Variants in PRR16 observed in about 807,000 individuals in gnomAD.
The protein encoded by PRR16 is protein Largen.
PRR16 carries 6 observed loss-of-function variants against 18.2 expected under a neutral mutation model. The observed-to-expected ratio is 0.33, with a 90% CI of 0.18 to 0.65. The LOEUF (loss-of-function observed/expected upper bound fraction) is 0.65, where lower values mean the gene tolerates loss of function less well. Among genes scored for constraint, PRR16 ranks in the 30% least tolerant of loss-of-function variants. The probability of loss-of-function intolerance (pLI) is 0.74; values close to 1 mark genes in which losing one functional copy is unlikely to be tolerated. For synonymous variants in PRR16, 151 were observed against 147.8 expected (o/e 1.02, Z -0.16); for missense variants, 412 against 376.6 (o/e 1.09, Z -0.78).
At chr5:120,779,996 A>G in the PRR16 span, among the ~76,000 whole-genome samples, 5 of 152,204 alleles carry the variant, frequency 3.3e-5, no homozygotes, top group African/African-American at 1.2e-4. Context: ...AAATAAATGA[A>G]CATTGCATAT....
At chr5:120,491,823 C>T (rs901993421) in intron 1 of PRR16, among the ~76,000 whole-genome samples, 47 of 152,232 alleles carry the variant, frequency 3.1e-4, no homozygotes, top group African/African-American at 9.9e-4. Context: ...AGATTACAGG[C>T]GTGATCCACT....
chr5:120,751,120 T>C, the PRR16 span, among the ~76,000 whole-genome samples: 1 of 152,178 alleles, frequency 6.6e-6, no homozygotes, highest in Admixed American at 6.6e-5. Flanking sequence ...TGAGAGTTCA[T>C]TAATGTCATT....
chr5:120,701,425 T>C, the PRR16 span, among the ~76,000 whole-genome samples: 1 of 152,206 alleles, frequency 6.6e-6, no homozygotes, highest in Non-Finnish European at 1.5e-5. Flanking sequence ...TCCTAAACGC[T>C]ATCCGATTTG....
chr5:120,481,192 G>C, intron 1 of PRR16: 2 of 879,668 alleles, frequency 2.3e-6, no homozygotes, highest in South Asian at 1.4e-5. Flanking sequence ...CTGTTGCCCA[G>C]GCTAGAGTGC....
chr5:120,749,259 T>C, the PRR16 span, among the ~76,000 whole-genome samples: 1 of 152,066 alleles, frequency 6.6e-6, no homozygotes, highest in Non-Finnish European at 1.5e-5. Flanking sequence ...CTCTATAACA[T>C]AAAAAATGTG....
intron 1 of PRR16, among the ~76,000 whole-genome samples, chr5:120,474,584 G>C (rs1241617581): frequency 1.5e-5 from 2 of 136,026 alleles, no homozygotes; most frequent in African/African-American, 5.7e-5. Context: ...TCTTGTATTT[G>C]CTATCTTTTT....
chr5:120,485,409 C>T (rs180810186), intron 1 of PRR16, among the ~76,000 whole-genome samples: 192 of 152,112 alleles, frequency 1.3e-3, no homozygotes, highest in African/African-American at 4.4e-3. Context: ...TATACTTTTC[C>T]GCACGTTTCT....
the PRR16 span, among the ~76,000 whole-genome samples, chr5:120,746,047 G>T: frequency 6.6e-6 from 1 of 151,880 alleles, no homozygotes; most frequent in Admixed American, 6.6e-5. Context: ...GTTTGGAAGC[G>T]GTGAAATTTT....
chr5:120,649,117 C>T (rs1213740416), intron 1 of PRR16, among the ~76,000 whole-genome samples: 2 of 152,068 alleles, frequency 1.3e-5, no homozygotes, highest in Non-Finnish European at 2.9e-5. Context: ...TGCACGCTGG[C>T]TCGAGCACAC....
At chr5:120,670,975 C>T (rs1019972377) in intron 1 of PRR16, among the ~76,000 whole-genome samples, 1 of 152,098 alleles carries the variant, frequency 6.6e-6, no homozygotes, top group Non-Finnish European at 1.5e-5. Context: ...TAGGTAAAAC[C>T]CCACTCATTA....
At chr5:120,479,241 T>G (rs1749535379) in intron 1 of PRR16, among the ~76,000 whole-genome samples, 1 of 152,152 alleles carries the variant, frequency 6.6e-6, no homozygotes, top group Non-Finnish European at 1.5e-5. Context: ...TCTCTTTCAT[T>G]GCTTGTGGGG....
At chr5:120,603,899 G>T (rs1165362820) in intron 1 of PRR16, among the ~76,000 whole-genome samples, 1 of 151,644 alleles carries the variant, frequency 6.6e-6, no homozygotes, top group East Asian at 1.9e-4. Flanking sequence ...TGTTTTTATT[G>T]TGCCGTAGTC....
the PRR16 span, among the ~76,000 whole-genome samples, chr5:120,737,947 A>G: frequency 6.6e-6 from 1 of 152,116 alleles, no homozygotes; most frequent in Non-Finnish European, 1.5e-5. Flanking sequence ...GAATGCTAAC[A>G]CAATATTGAT....
the PRR16 span, among the ~76,000 whole-genome samples, chr5:120,695,830 G>C: frequency 6.6e-6 from 1 of 152,128 alleles, no homozygotes; most frequent in Non-Finnish European, 1.5e-5. Flanking sequence ...GGCCCAGCCT[G>C]AAATAACTTC....
chr5:120,553,524 A>G (rs1283507666), intron 1 of PRR16, among the ~76,000 whole-genome samples: 1 of 151,892 alleles, frequency 6.6e-6, no homozygotes, highest in African/African-American at 2.4e-5. Context: ...TTCACAAGGT[A>G]TTTGTAAGAT....
At chr5:120,495,292 A>G (rs1401355048) in intron 1 of PRR16, among the ~76,000 whole-genome samples, 1 of 151,946 alleles carries the variant, frequency 6.6e-6, no homozygotes, top group Non-Finnish European at 1.5e-5. Context: ...GTTTTGTTAG[A>G]TTTCTACCTA....
chr5:120,533,253 A>C (rs555598955), intron 1 of PRR16, among the ~76,000 whole-genome samples: 3 of 152,354 alleles, frequency 2.0e-5, no homozygotes, highest in South Asian at 4.1e-4. Flanking sequence ...AATCTTCCAC[A>C]AGAAATATTT....
At chr5:120,777,589 T>A in the PRR16 span, among the ~76,000 whole-genome samples, 1 of 148,614 alleles carries the variant, frequency 6.7e-6, no homozygotes, top group Non-Finnish European at 1.5e-5. Flanking sequence ...ATTATCCAAA[T>A]CTACACTTGT....
the PRR16 span, chr5:120,710,862 T>C: frequency 3.3e-5 from 5 of 152,302 alleles, no homozygotes; most frequent in East Asian, 5.8e-4. Flanking sequence ...ATAATTCTTA[T>C]ACGCAGAAGT....
Sources: gnomAD v4.1 joint callset for allele counts (sites outside exome capture counted in the v4.1 genomes callset) on GRCh38, gnomAD v4.1.1 for gene constraint, MANE v1.5 for transcripts, NCBI Gene and HGNC (gene_info 2026-07-23, HGNC 2026-07-21) for gene names.